The following ASTN2 variants were observed in gnomAD, a reference collection of about 807,000 sequenced individuals.
The protein encoded by ASTN2 is astrotactin 2, also known as astrotactin-2.
In ASTN2, 54 loss-of-function variants were observed where a neutral mutation model predicts 139.8. The observed-to-expected ratio is 0.39, with a 90% CI of 0.31 to 0.48. The LOEUF (loss-of-function observed/expected upper bound fraction) is 0.48, where lower values mean the gene tolerates loss of function less well. Among genes scored for constraint, ASTN2 ranks in the 20% least tolerant of loss-of-function variants. The pLI, the probability that ASTN2 is intolerant of heterozygous loss-of-function variation, is 0.95. For synonymous variants in ASTN2, 756 were observed against 719.5 expected, an observed-to-expected ratio of 1.05 and a Z score of -0.81; for missense variants, 1,565 against 1,725.1, an observed-to-expected ratio of 0.91 and a Z score of 1.64.
At chr9:116,889,651 C>T (rs983024793) in intron 10 of ASTN2, among the ~76,000 whole-genome samples, 10 of 150,752 alleles carry the variant, frequency 6.6e-5, no homozygotes, top group Admixed American at 2.7e-4. Flanking sequence ...TTTGTGAGGC[C>T]GAGGCAGAAG....
intron 11 of ASTN2, among the ~76,000 whole-genome samples, chr9:116,846,853 A>G (rs1832445138): frequency 6.6e-6 from 1 of 152,084 alleles, no homozygotes; most frequent in African/African-American, 2.4e-5. Flanking sequence ...GCTTGGGAAC[A>G]TGCTTGAAGC....
chr9:116,960,791 A>G (rs1835855262), intron 10 of ASTN2, among the ~76,000 whole-genome samples: 1 of 152,262 alleles, frequency 6.6e-6, no homozygotes, highest in African/African-American at 2.4e-5. Flanking sequence ...TACACAGGAA[A>G]CCAAAATTTC....
intron 20 of ASTN2, among the ~76,000 whole-genome samples, chr9:116,460,017 GATGA>G (rs1370191223): frequency 3.3e-5 from 5 of 152,030 alleles, no homozygotes; most frequent in Non-Finnish European, 1.5e-5. Context: ...TCCATCAACT[GATGA>G]ATGAATAAAC....
intron 7 of ASTN2, among the ~76,000 whole-genome samples, chr9:117,006,691 A>C (rs1025615735): frequency 1.3e-5 from 2 of 152,060 alleles, no homozygotes; most frequent in African/African-American, 4.8e-5. Flanking sequence ...CTCAGAGTAG[A>C]ATCTGAAGTC....
At chr9:116,825,770 A>C (rs1169004904) in intron 11 of ASTN2, among the ~76,000 whole-genome samples, 1 of 152,218 alleles carries the variant, frequency 6.6e-6, no homozygotes, top group Non-Finnish European at 1.5e-5. Context: ...CTTTGGCCTG[A>C]CATACGAAGT....
intron 10 of ASTN2, among the ~76,000 whole-genome samples, chr9:116,953,863 A>C (rs1405437641): frequency 6.6e-6 from 1 of 152,208 alleles, no homozygotes; most frequent in East Asian, 1.9e-4. Flanking sequence ...CTGTAGCTCA[A>C]TCTGTATCCA....
intron 19 of ASTN2, among the ~76,000 whole-genome samples, chr9:116,527,403 G>A (rs142603768): frequency 4.3e-4 from 65 of 152,162 alleles, no homozygotes; most frequent in Non-Finnish European, 7.6e-4. Flanking sequence ...GCATACAAAA[G>A]GCCAACAGGT....
chr9:117,181,009 G>C, intron 3 of ASTN2: 2 of 1,593,624 alleles, frequency 1.3e-6, no homozygotes, highest in Non-Finnish European at 1.7e-6. Flanking sequence ...TCGCATGCCT[G>C]TTTGGAGCCT....
intron 10 of ASTN2, among the ~76,000 whole-genome samples, chr9:116,930,000 A>T (rs902513958): frequency 6.6e-6 from 1 of 152,164 alleles, no homozygotes; most frequent in Non-Finnish European, 1.5e-5. Flanking sequence ...GGCTGATGGG[A>T]TGTACTGGGA....
chr9:116,658,303 A>G (rs551956453), intron 16 of ASTN2, among the ~76,000 whole-genome samples: 1 of 152,280 alleles, frequency 6.6e-6, no homozygotes, highest in East Asian at 1.9e-4. Context: ...AAAAAGCTGC[A>G]GTGGCCTATA....
intron 19 of ASTN2, among the ~76,000 whole-genome samples, chr9:116,534,136 A>G (rs1236093615): frequency 1.3e-5 from 2 of 152,114 alleles, no homozygotes; most frequent in African/African-American, 2.4e-5. Context: ...TAGATTTTCT[A>G]GCTTATCTGT....
chr9:116,472,419 A>ATT (rs1848840447), intron 20 of ASTN2, among the ~76,000 whole-genome samples: 1 of 152,186 alleles, frequency 6.6e-6, no homozygotes, highest in Admixed American at 6.5e-5. Context: ...CAGAACTCGC[A>ATT]TGCCTTTATT....
intron 17 of ASTN2, among the ~76,000 whole-genome samples, chr9:116,644,552 A>G (rs1192930875): frequency 6.6e-6 from 1 of 152,134 alleles, no homozygotes; most frequent in African/African-American, 2.4e-5. Context: ...CTTACTTCAA[A>G]TTCAGCCTTG....
chr9:116,555,988 G>C (rs1477879390), intron 19 of ASTN2, among the ~76,000 whole-genome samples: 1 of 152,112 alleles, frequency 6.6e-6, no homozygotes, highest in Non-Finnish European at 1.5e-5. Context: ...AAAAATAATT[G>C]GCATTCATCC....
chr9:116,433,121 G>C (rs1199492615), intron 22 of ASTN2, among the ~76,000 whole-genome samples: 1 of 152,190 alleles, frequency 6.6e-6, no homozygotes, highest in Non-Finnish European at 1.5e-5. Flanking sequence ...AATCAGGCAA[G>C]TGGGCAAAAG....
chr9:117,040,021 T>C (rs1838508344), intron 5 of ASTN2, 56 bp from the exon 6 acceptor site: 1 of 1,513,706 alleles, frequency 6.6e-7, no homozygotes, highest in Non-Finnish European at 8.9e-7. Context: ...GGAAATGGGA[T>C]TGGCATCAAG....
chr9:116,626,554 A>C (rs1049505753), intron 17 of ASTN2, among the ~76,000 whole-genome samples: 2 of 152,080 alleles, frequency 1.3e-5, no homozygotes, highest in African/African-American at 2.4e-5. Flanking sequence ...CCTTGAAGCC[A>C]TTGAAAGGAA....
At chr9:117,312,094 A>C (rs1827991665) in intron 1 of ASTN2, among the ~76,000 whole-genome samples, 1 of 152,212 alleles carries the variant, frequency 6.6e-6, no homozygotes, top group South Asian at 2.1e-4. Flanking sequence ...CCCCATATGT[A>C]AAACACTAAA....
At chr9:116,607,870 A>T (rs1855297403) in intron 19 of ASTN2, among the ~76,000 whole-genome samples, 1 of 152,172 alleles carries the variant, frequency 6.6e-6, no homozygotes, top group African/African-American at 2.4e-5. Context: ...CTGAGGCAGG[A>T]GAATCGCTTG....
Sources: allele counts gnomAD v4.1 joint callset (sites outside exome capture counted in the v4.1 genomes callset), GRCh38; gene constraint gnomAD v4.1.1; transcripts MANE v1.5; gene names NCBI Gene and HGNC (gene_info 2026-07-23, HGNC 2026-07-21).